The following MAGI3 variants were observed in gnomAD, a reference collection of about 807,000 sequenced individuals.
MAGI3 encodes the protein membrane-associated guanylate kinase, WW and PDZ domain-containing protein 3.
In MAGI3, 43 loss-of-function variants were observed where a neutral mutation model predicts 121.8. The ratio of observed to expected loss-of-function variants is 0.35; its 90% confidence interval spans 0.28 to 0.46. The LOEUF (loss-of-function observed/expected upper bound fraction) is 0.46, where lower values mean the gene tolerates loss of function less well. MAGI3 is among the 20% of genes least tolerant of loss of function. MAGI3 has a pLI of 1.00. For missense variants in MAGI3, 1,547 were observed against 1,797.3 expected, an observed-to-expected ratio of 0.86 and a Z score of 2.52; for synonymous variants, 553 against 639.3, an observed-to-expected ratio of 0.86 and a Z score of 2.04.
intron 7 of MAGI3, among the ~76,000 whole-genome samples, chr1:113,617,911 CCAAA>C (rs1390069555): frequency 6.6e-6 from 1 of 152,122 alleles, no homozygotes; most frequent in African/African-American, 2.4e-5. Flanking sequence ...AAATCAGAAC[CCAAA>C]CAATGTCCAG....
chr1:113,666,457 C>T (rs542551367), intron 16 of MAGI3, among the ~76,000 whole-genome samples: 225 of 152,290 alleles, frequency 1.5e-3, no homozygotes, highest in African/African-American at 5.3e-3. Flanking sequence ...TTTGCTCATC[C>T]GTAGGAAGCA....
In MAGI3 at chr1:113,659,634, G is replaced by A. The variant is rs139181141; in HGVS notation, c.2815+369G>A. 8.2e-4 allele frequency among the ~76,000 whole-genome samples: 125 copies of A among 152,308 alleles called. 1 individual carries two copies. The highest frequency in any genetic ancestry group is 3.0e-3 in the African/African-American group (124 of 41,572). ...AAACAGTTCAAAGAAAGTCACTGTT[G>A]ATATCAAGTCTTTTATGTCAGGCCC... On this transcript the variant is annotated intron_variant, in intron 16 of 20. Coordinates refer to ENST00000307546, the MANE Select transcript of MAGI3 (RefSeq NM_001142782.2).
rs748978661 is a variant in MAGI3 at position 113,658,236 on chromosome 1, G to A, written c.2630-844G>A. Among the ~76,000 whole-genome samples, 2 of 152,132 alleles carry A rather than the reference G, an allele frequency of 1.3e-5. No homozygotes were observed. The highest frequency in any genetic ancestry group is 2.4e-5 in the African/African-American group (1 of 41,420). The stretch of plus-strand genomic sequence containing the variant: ...CGGTGGAAAATATTTTGTTTGACAA[G>A]ATTTCCTGAATATCTGAGAACTCAT... On this transcript the variant is annotated intron_variant, in intron 15 of 20. Transcript: ENST00000307546. The surrounding 1 kb of genome is among the most constrained non-coding windows in gnomAD (Gnocchi z 4.0).
At position 113,391,395 on chromosome 1, in the gene MAGI3, CT is replaced by C; in HGVS notation, c.316+48del. ...TGTCTCGGGGTGTTGGGGAGAGGGG[CT>C]TCAGGGTGGGCGTCCTGGGAGCGGC... On this transcript the variant is annotated intron_variant, in intron 1 of 20. Coordinates refer to ENST00000307546, the MANE Select transcript of MAGI3 (RefSeq NM_001142782.2). The surrounding 1 kb of genome is among the most constrained non-coding windows in gnomAD (Gnocchi z 4.4). 6.4e-7 allele frequency: 1 copy of C among 1,550,664 alleles called. No individual in the cohort carries two copies. Among genetic ancestry groups the C allele is most frequent in the Non-Finnish European group, 8.7e-7 (1 of 1,146,748 alleles).
chr1:113,654,042 T>C (rs1653335756), intron 15 of MAGI3, 24 bp downstream of exon 15: 2 of 1,577,280 alleles, frequency 1.3e-6, no homozygotes, highest in Admixed American at 1.8e-5. Context: ...TATCTTATTG[T>C]CTCTCCCTGC....
intron 1 of MAGI3, among the ~76,000 whole-genome samples, chr1:113,506,565 G>A (rs1399197487): frequency 6.6e-6 from 1 of 152,180 alleles, no homozygotes; most frequent in African/African-American, 2.4e-5. Flanking sequence ...CATGTGCAAA[G>A]TATTGGTTTA....
intron 19 of MAGI3, 29 bp from the exon 20 acceptor site, chr1:113,681,169 T>C (rs1356025770): frequency 6.2e-7 from 1 of 1,606,040 alleles, no homozygotes; most frequent in Non-Finnish European, 8.5e-7. Flanking sequence ...CATAGTTTCA[T>C]GTTGTTCCTG....
At chr1:113,615,053 A>G (rs770764309) in intron 7 of MAGI3, among the ~76,000 whole-genome samples, 40 of 152,284 alleles carry the variant, frequency 2.6e-4, no homozygotes, top group Admixed American at 9.2e-4. Flanking sequence ...GCATTATAAC[A>G]TAATTATCTG....
At chr1:113,525,761 C>T (rs527347372) in intron 1 of MAGI3, among the ~76,000 whole-genome samples, 19 of 151,914 alleles carry the variant, frequency 1.3e-4, no homozygotes, top group East Asian at 7.7e-4. Flanking sequence ...CCCAGAACTT[C>T]GGGAGGCTGA....
At chr1:113,476,240 T>C (rs1350512319) in intron 1 of MAGI3, among the ~76,000 whole-genome samples, 1 of 152,192 alleles carries the variant, frequency 6.6e-6, no homozygotes, top group Non-Finnish European at 1.5e-5. Context: ...GCTCTGATCT[T>C]AGTTATTTCT....
intron 19 of MAGI3, among the ~76,000 whole-genome samples, chr1:113,680,386 A>G (rs1239214164): frequency 6.6e-6 from 1 of 152,226 alleles, no homozygotes; most frequent in Non-Finnish European, 1.5e-5. Flanking sequence ...GACAGATGGC[A>G]GCAACAGGAA....
intron 5 of MAGI3, among the ~76,000 whole-genome samples, chr1:113,591,778 A>G (rs1648707183): frequency 6.6e-6 from 1 of 152,208 alleles, no homozygotes; most frequent in Non-Finnish European, 1.5e-5. Flanking sequence ...AAGCCCCAAA[A>G]TAAGGTGTAG....
chr1:113,409,469 CCT>C (rs1557739963), intron 1 of MAGI3, among the ~76,000 whole-genome samples: 1 of 151,678 alleles, frequency 6.6e-6, no homozygotes, highest in African/African-American at 2.4e-5. Context: ...ATGGTGAGAC[CCT>C]GTCTCTACAA....
intron 1 of MAGI3, among the ~76,000 whole-genome samples, chr1:113,530,822 G>C (rs535723667): frequency 1.3e-5 from 2 of 152,076 alleles, no homozygotes; most frequent in Non-Finnish European, 2.9e-5. Flanking sequence ...AAGCTGAGGT[G>C]GGAGGATTGC....
chr1:113,567,904 A>G (rs889523077), intron 2 of MAGI3, among the ~76,000 whole-genome samples: 2 of 152,092 alleles, frequency 1.3e-5, no homozygotes, highest in Non-Finnish European at 2.9e-5. Flanking sequence ...TCAACTTAGA[A>G]AAGACTTAAA....
At chr1:113,636,641 C>T (rs1184068760) in intron 9 of MAGI3, among the ~76,000 whole-genome samples, 1 of 152,088 alleles carries the variant, frequency 6.6e-6, no homozygotes, top group Non-Finnish European at 1.5e-5. Flanking sequence ...GAGAGCTTTA[C>T]TTCCAACTAT....
chr1:113,590,677 C>G lies in MAGI3; in HGVS notation c.938+19C>G. ...TCATTGAGTAAGCAAATGTCTCTAT[C>G]TCTTCTAATGTGCCCTAACATGTTG... On this transcript the variant is annotated intron_variant, in intron 5 of 20. Transcript: ENST00000307546. 1 of 1,609,562 alleles carries G rather than the reference C, an allele frequency of 6.2e-7. No individual in the cohort carries two copies. Among genetic ancestry groups the G allele is most frequent in the Non-Finnish European group, 8.5e-7 (1 of 1,177,968 alleles).
chr1:113,633,750 C>T (rs571210522), intron 9 of MAGI3, among the ~76,000 whole-genome samples: 356 of 152,262 alleles, frequency 2.3e-3, no homozygotes, highest in Non-Finnish European at 3.4e-3. Flanking sequence ...GGTATATACC[C>T]AGTAATGGGA....
At chr1:113,537,813 C>T in intron 1 of MAGI3, among the ~76,000 whole-genome samples, 1 of 152,126 alleles carries the variant, frequency 6.6e-6, no homozygotes, top group East Asian at 1.9e-4. Flanking sequence ...GCCTAGAAGA[C>T]TCTTCCAGTT....
Sources: allele counts gnomAD v4.1 joint callset (sites outside exome capture counted in the v4.1 genomes callset), GRCh38; gene constraint gnomAD v4.1.1; non-coding constraint Gnocchi (gnomAD v3.1); transcripts MANE v1.5; gene names NCBI Gene and HGNC (gene_info 2026-07-23, HGNC 2026-07-21).